The following SNX24 variants were observed in gnomAD, a reference collection of about 807,000 sequenced individuals.
SNX24 encodes sorting nexin 24.
SNX24 carries 22 observed loss-of-function variants against 28.7 expected under a neutral mutation model. The observed-to-expected ratio is 0.77, with a 90% CI of 0.55 to 1.10. The LOEUF is 1.10. SNX24 is among the 50% of genes least tolerant of loss of function. The pLI is 0.00. For synonymous variants in SNX24, 69 were observed against 71.5 expected (o/e 0.96, Z 0.18); for missense variants, 221 against 201.1 (o/e 1.10, Z -0.60).
intron 1 of SNX24, among the ~76,000 whole-genome samples, chr5:122,890,548 C>A (rs943262319): frequency 1.4e-4 from 21 of 149,152 alleles, no homozygotes; most frequent in Middle Eastern, 3.4e-3. Context: ...CAGCTCACTA[C>A]AACCTCCGCC....
intron 5 of SNX24, among the ~76,000 whole-genome samples, chr5:123,017,894 T>C (rs1242716240): frequency 6.6e-6 from 1 of 152,148 alleles, no homozygotes; most frequent in Admixed American, 6.5e-5. Flanking sequence ...CAGTCTTGGG[T>C]ACGTCTTTAT....
chr5:123,000,060 C>A, intron 4 of SNX24, 54 bp downstream of exon 4: 2 of 1,168,890 alleles, frequency 1.7e-6, no homozygotes, highest in African/African-American at 1.5e-5. Context: ...CTTCAATGAC[C>A]AATTGATCTA....
At chr5:122,956,367 TACACACACACACACACACAC>T (rs9327282) in intron 3 of SNX24, among the ~76,000 whole-genome samples, 5 of 147,142 alleles carry the variant, frequency 3.4e-5, no homozygotes, top group Admixed American at 2.0e-4. Flanking sequence ...AAAAAATATA[TACACACACACACACACACAC>T]ACACACACAC....
chr5:122,993,348 G>A (rs1158942917), intron 3 of SNX24, among the ~76,000 whole-genome samples: 2 of 148,136 alleles, frequency 1.4e-5, no homozygotes, highest in African/African-American at 2.5e-5. Flanking sequence ...GCCCAGGCTG[G>A]GGTGCAGTGG....
intron 1 of SNX24, among the ~76,000 whole-genome samples, chr5:122,928,329 C>T (rs1237254226): frequency 2.0e-5 from 3 of 152,166 alleles, no homozygotes; most frequent in African/African-American, 7.2e-5. Flanking sequence ...AATGTCCACA[C>T]CATAATCCCC....
chr5:122,988,294 G>T (rs1761690964), intron 3 of SNX24, among the ~76,000 whole-genome samples: 1 of 152,176 alleles, frequency 6.6e-6, no homozygotes, highest in South Asian at 2.1e-4. Flanking sequence ...CCATAGGCAG[G>T]GAGGAGAAGT....
chr5:122,897,165 A>AT (rs1378592440), intron 1 of SNX24, among the ~76,000 whole-genome samples: 2 of 142,324 alleles, frequency 1.4e-5, no homozygotes, highest in African/African-American at 4.9e-5. Context: ...TTTTGTCTTC[A>AT]TTGCCTCATC....
intron 1 of SNX24, among the ~76,000 whole-genome samples, chr5:122,887,054 C>T (rs1008090038): frequency 7.2e-5 from 11 of 152,130 alleles, no homozygotes; most frequent in Non-Finnish European, 1.5e-5. Flanking sequence ...TCTGGGCTTA[C>T]ATTTTATTTG....
At chr5:122,940,628 G>A (rs996533865) in intron 2 of SNX24, among the ~76,000 whole-genome samples, 3 of 152,138 alleles carry the variant, frequency 2.0e-5, no homozygotes, top group Non-Finnish European at 4.4e-5. Flanking sequence ...CTGGAGTGCA[G>A]TGGTGCAATC....
At chr5:122,905,630 A>C (rs1470571031) in intron 1 of SNX24, among the ~76,000 whole-genome samples, 1 of 152,178 alleles carries the variant, frequency 6.6e-6, no homozygotes, top group Non-Finnish European at 1.5e-5. Flanking sequence ...GTCCCAAGCA[A>C]TTTGGATAAA....
chr5:122,890,088 A>G (rs980841237), intron 1 of SNX24, among the ~76,000 whole-genome samples: 1 of 152,064 alleles, frequency 6.6e-6, no homozygotes, highest in Non-Finnish European at 1.5e-5. Flanking sequence ...CTGTCCTTCA[A>G]TTTGGCTTCG....
intron 2 of SNX24, among the ~76,000 whole-genome samples, chr5:122,942,527 T>C (rs1023262021): frequency 1.3e-5 from 2 of 152,236 alleles, no homozygotes; most frequent in Non-Finnish European, 2.9e-5. Context: ...TTTCTGCTTC[T>C]TTGTGGAAAA....
chr5:122,923,993 G>A (rs1013534072), intron 1 of SNX24, among the ~76,000 whole-genome samples: 1 of 152,188 alleles, frequency 6.6e-6, no homozygotes, highest in Non-Finnish European at 1.5e-5. Context: ...GCATATCATA[G>A]TACTTCATGG....
At chr5:122,971,467 G>A (rs897765973) in intron 3 of SNX24, among the ~76,000 whole-genome samples, 7 of 151,954 alleles carry the variant, frequency 4.6e-5, no homozygotes, top group Non-Finnish European at 1.0e-4. Context: ...CCCACCCCTC[G>A]TCAACTTGAA....
chr5:122,931,305 T>C (rs894303114), intron 1 of SNX24, among the ~76,000 whole-genome samples: 2 of 152,172 alleles, frequency 1.3e-5, no homozygotes, highest in Non-Finnish European at 2.9e-5. Flanking sequence ...GTAAATGTAC[T>C]TAGAAATCGA....
chr5:122,989,248 T>C (rs1761731473), intron 3 of SNX24, among the ~76,000 whole-genome samples: 2 of 152,194 alleles, frequency 1.3e-5, no homozygotes, highest in Admixed American at 1.3e-4. Context: ...GGTAGGTAGT[T>C]GTGGGTTTTG....
At chr5:122,923,202 G>T (rs1758521017) in intron 1 of SNX24, among the ~76,000 whole-genome samples, 1 of 151,996 alleles carries the variant, frequency 6.6e-6, no homozygotes, top group Non-Finnish European at 1.5e-5. Context: ...AGCCAGGCAT[G>T]GTGGCATGTG....
intron 1 of SNX24, among the ~76,000 whole-genome samples, chr5:122,895,547 G>A (rs1757161790): frequency 6.6e-6 from 1 of 152,172 alleles, no homozygotes; most frequent in Non-Finnish European, 1.5e-5. Context: ...CTTTTCTGGT[G>A]GAAGGATGGG....
chr5:122,967,860 A>G (rs10079350), intron 3 of SNX24, among the ~76,000 whole-genome samples: 1 of 152,232 alleles, frequency 6.6e-6, no homozygotes, highest in African/African-American at 2.4e-5. Context: ...CGTGAATGGC[A>G]GTAGCACCTG....
Sources: allele counts gnomAD v4.1 joint callset (sites outside exome capture counted in the v4.1 genomes callset), GRCh38; gene constraint gnomAD v4.1.1; transcripts MANE v1.5; gene names NCBI Gene and HGNC (gene_info 2026-07-23, HGNC 2026-07-21).